The following FAM53A variants were observed in gnomAD, a reference collection of about 807,000 sequenced individuals.
The protein encoded by FAM53A is protein FAM53A.
Under a neutral mutation model 26.6 loss-of-function variants are expected in FAM53A, and 28 were observed. The observed-to-expected ratio is 1.05, with a 90% CI of 0.78 to 1.45. The LOEUF is 1.45. FAM53A is among the 40% of genes most tolerant of loss of function. FAM53A has a pLI of 0.00. For missense variants in FAM53A, 650 were observed against 575.8 expected (o/e 1.13, Z -1.32); for synonymous variants, 290 against 253.1 (o/e 1.15, Z -1.38).
At chr4:1,684,445 C>T (rs1426957192), upstream of FAM53A, 1 of 149,190 alleles carries the variant, frequency 6.7e-6, no homozygotes, top group Non-Finnish European at 1.5e-5. Flanking sequence ...GCCGCGCCGA[C>T]GGAGGGGGCG....
At chr4:1,668,589 C>T (rs1714407847) in intron 2 of FAM53A, 78 bp downstream of exon 2, 1 of 1,552,148 alleles carries the variant, frequency 6.4e-7, no homozygotes, top group African/African-American at 1.4e-5. Flanking sequence ...GCCCTCACCT[C>T]CACCTCCCAG....
the FAM53A span, among the ~76,000 whole-genome samples, chr4:1,592,987 C>T: frequency 6.6e-6 from 1 of 152,096 alleles, no homozygotes; most frequent in Non-Finnish European, 1.5e-5. Flanking sequence ...CTGATTCGGG[C>T]AGCTGCTGCC....
chr4:1,579,622 G>C, the FAM53A span, among the ~76,000 whole-genome samples: 9 of 152,344 alleles, frequency 5.9e-5, no homozygotes, highest in East Asian at 7.7e-4. Context: ...CTGTAAAAGG[G>C]GGTGGGGCTG....
At chr4:1,679,010 G>A (rs1338498964) in intron 1 of FAM53A, among the ~76,000 whole-genome samples, 1 of 151,864 alleles carries the variant, frequency 6.6e-6, no homozygotes, top group Admixed American at 6.6e-5. Context: ...ATAAAAGAAA[G>A]AATTGTTATG....
rs1220984705 is a variant in FAM53A, at chr4:1,640,468, T to C, written c.*825A>G. 1 of 294,732 alleles carries C rather than the reference T, an allele frequency of 3.4e-6. No homozygotes were observed. Among genetic ancestry groups the C allele is most frequent in the South Asian group, 2.9e-5 (1 of 34,906 alleles). 18.3% of individuals were successfully genotyped at this position (294,732 alleles called of 1,614,324 possible). A position where few individuals can be genotyped will look rare whatever the true frequency, so the allele number is the denominator to read the frequency against. On this transcript the variant is annotated 3_prime_UTR_variant, in exon 5 of 5. Transcript: ENST00000308132. ...GAACACAGACGCATGTTAATCTGTT[T>C]GCAGATTCATGTTTAATAGAACGCC...
chr4:1,618,239 G>A (rs1385319707), intron 1 of FAM53A: 1 of 437,816 alleles, frequency 2.3e-6, no homozygotes, highest in Non-Finnish European at 4.6e-6. Flanking sequence ...CACGGCAGGG[G>A]TGCATCCAGG....
chr4:1,606,040 C>CT, the FAM53A span, among the ~76,000 whole-genome samples: 62,066 of 135,766 alleles, frequency 0.46, 15,135 homozygotes, highest in Admixed American at 0.53. Context: ...TCCTATGACT[C>CT]TTTTTTTTTT....
chr4:1,634,635 C>T lies in FAM53A; in HGVS notation c.432-16524G>A, dbSNP rs371672496. On this transcript the variant is annotated intron_variant, in intron 1 of 1. Coordinates refer to the FAM53A transcript ENST00000489029. ...TCTGGGGGCCAGGCATGGTGGCTCA[C>T]GCCTGTAATACCAGAACTTTGGGAG... Among the ~76,000 whole-genome samples the T allele has an allele frequency of 8.7e-4, 133 of 152,232 alleles. 1 individual carries two copies. The highest frequency in any genetic ancestry group is 3.1e-3 in the African/African-American group (127 of 41,534).
At chr4:1,584,391 C>T in the FAM53A span, among the ~76,000 whole-genome samples, 1 of 152,220 alleles carries the variant, frequency 6.6e-6, no homozygotes, top group African/African-American at 2.4e-5. Flanking sequence ...CTTCCATTTT[C>T]CATAAAGTGA....
intron 4 of FAM53A, among the ~76,000 whole-genome samples, chr4:1,651,980 C>T (rs182169360): frequency 3.5e-4 from 51 of 146,064 alleles, no homozygotes; most frequent in African/African-American, 1.3e-3. Flanking sequence ...ACGCACACAC[C>T]ACACGCACAC....
chr4:1,612,574 C>T, the FAM53A span, among the ~76,000 whole-genome samples: 6 of 152,308 alleles, frequency 3.9e-5, no homozygotes, highest in South Asian at 6.2e-4. Flanking sequence ...CACACACTCG[C>T]GTAAACACGC....
At chr4:1,653,636 T>C (rs1247863557) in intron 4 of FAM53A, among the ~76,000 whole-genome samples, 1 of 152,182 alleles carries the variant, frequency 6.6e-6, no homozygotes, top group African/African-American at 2.4e-5. Context: ...TAGCAAAAGA[T>C]CAGAGCCTTC....
rs115365590 is a variant in FAM53A, at chr4:1,656,155, C to T, written c.137-432G>A. Among the ~76,000 whole-genome samples the T allele has an allele frequency of 6.2e-3, 948 of 152,326 alleles. 12 individuals are homozygous for T. Among genetic ancestry groups the T allele is most frequent in the African/African-American group, 0.021 (892 of 41,566 alleles). On this transcript the variant is annotated intron_variant, in intron 3 of 4. Coordinates refer to ENST00000308132, the MANE Select transcript of FAM53A (RefSeq NM_001174070.3). Reference sequence around the variant, plus strand: ...TAAAGCAGCTCAGGTCCCTTAGTAACATGGGCAACACAGGGTCACACCTGC... The same window carrying T: ...TAAAGCAGCTCAGGTCCCTTAGTAATATGGGCAACACAGGGTCACACCTGC...
intron 2 of FAM53A, among the ~76,000 whole-genome samples, chr4:1,664,933 G>A (rs1714116512): frequency 6.6e-6 from 1 of 152,090 alleles, no homozygotes; most frequent in African/African-American, 2.4e-5. Flanking sequence ...AGCCAGGATC[G>A]CACCACTGCA....
At chr4:1,611,891 G>C in the FAM53A span, among the ~76,000 whole-genome samples, 1 of 152,232 alleles carries the variant, frequency 6.6e-6, no homozygotes, top group African/African-American at 2.4e-5. Flanking sequence ...AAAGTTCCTT[G>C]ACCCGTGCCT....
chr4:1,669,414 G>A (rs142425768), intron 1 of FAM53A, among the ~76,000 whole-genome samples: 26 of 152,356 alleles, frequency 1.7e-4, no homozygotes, highest in Non-Finnish European at 2.1e-4. Flanking sequence ...GCAAGGGGCC[G>A]GCGGAGGAAG....
chr4:1,641,347 G>A lies in FAM53A; in HGVS notation c.1143C>T (p.Gly381=), dbSNP rs751266708. ...GCTCCCAGCGGGCCCGGGGGAAGACGCCCTCCTCCCCGACACTGTCCCCAT... is the reference window on the plus strand; with the variant it reads ...GCTCCCAGCGGGCCCGGGGGAAGACACCCTCCTCCCCGACACTGTCCCCAT... ...PRDGDSVGEE[G]VFPRARWELD... is the part of the protein sequence containing the mutation. Residue 381 remains glycine (G), a synonymous_variant, in exon 5 of 5, where the codon GGC becomes GGT. Transcript: ENST00000308132. 13 of 1,610,854 alleles carry A rather than the reference G, an allele frequency of 8.1e-6. No individual in the cohort carries two copies. The highest frequency in any genetic ancestry group is 2.2e-5 in the East Asian group (1 of 44,876).
In FAM53A at chr4:1,659,148, G is replaced by A. The variant is rs1466507280; in HGVS notation, c.76-1680C>T. Among the ~76,000 whole-genome samples, 1 of 152,242 alleles carries A rather than the reference G, an allele frequency of 6.6e-6. No individual in the cohort carries two copies. Among genetic ancestry groups the A allele is most frequent in the African/African-American group, 2.4e-5 (1 of 41,458 alleles). On this transcript the variant is annotated intron_variant, in intron 2 of 4. Transcript: ENST00000308132. The surrounding 1 kb of genome is among the most constrained non-coding windows in gnomAD (Gnocchi z 5.2). ...CCCACCTCAGCCAGCACGGCGGTGTGGAGCTGTGAGCACCCGGCCACACCA... is the reference window on the plus strand; with the variant it reads ...CCCACCTCAGCCAGCACGGCGGTGTAGAGCTGTGAGCACCCGGCCACACCA...
At position 1,655,618 on chromosome 4, in the gene FAM53A, G is replaced by C; in HGVS notation, c.242C>G (p.Thr81Ser). The change falls in exon 4 of 5, where the codon ACC (threonine) becomes AGC (serine). Residue 81 changes from threonine to serine, a missense_variant. Transcript: ENST00000308132. ...FLPGLSAAAH[T>S]MGLQWQPQSP... ...CTGTGGCTGCCACTGAAGACCCATG[G>C]TGTGAGCGGCAGCAGACAGGCCCGG... 6.3e-7 allele frequency: 1 copy of C among 1,596,220 alleles called. No homozygotes were observed. The highest frequency in any genetic ancestry group is 1.3e-5 in the African/African-American group (1 of 74,352).
Sources: gnomAD v4.1 joint callset for allele counts (sites outside exome capture counted in the v4.1 genomes callset) on GRCh38, gnomAD v4.1.1 for gene constraint, Gnocchi (gnomAD v3.1) non-coding constraint, MANE v1.5 for transcripts, NCBI Gene and HGNC (gene_info 2026-07-23, HGNC 2026-07-21) for gene names.